The following KHDRBS2 variants were observed in gnomAD, a reference collection of about 807,000 sequenced individuals.
KHDRBS2 encodes the protein KH domain-containing, RNA-binding, signal transduction-associated protein 2.
Under a neutral mutation model 44.3 loss-of-function variants are expected in KHDRBS2, and 26 were observed. That is an observed-to-expected ratio of 0.59 (90% confidence interval 0.43 to 0.81). The LOEUF is 0.81. KHDRBS2 is among the 40% of genes least tolerant of loss of function. The pLI, the probability that KHDRBS2 is intolerant of heterozygous loss-of-function variation, is 0.00. For synonymous variants in KHDRBS2, 194 were observed against 151.1 expected, an observed-to-expected ratio of 1.28 and a Z score of -2.08; for missense variants, 476 against 433.1, an observed-to-expected ratio of 1.10 and a Z score of -0.88.
In KHDRBS2 at chr6:62,268,070, A is replaced by G. The variant is rs567647287; in HGVS notation, c.91+17788T>C. ...TATTAATCCTATGGGAACACATTTC[A>G]GTATTTTATAATTTTGTATTGCTTG... On this transcript the variant is annotated intron_variant, in intron 1 of 8. Transcript: ENST00000281156. Among the ~76,000 whole-genome samples the G allele has an allele frequency of 5.9e-5, 9 of 152,182 alleles. No individual in the cohort carries two copies. In the East Asian group the frequency reaches 1.7e-3, roughly 29 times the overall value.
intron 2 of KHDRBS2, among the ~76,000 whole-genome samples, chr6:62,103,895 A>G (rs938820007): frequency 6.6e-6 from 1 of 152,206 alleles, no homozygotes; most frequent in South Asian, 2.1e-4. Context: ...ATGTGAAATA[A>G]AGTCATTTTA....
At chr6:62,269,200 C>T (rs1286381979) in intron 1 of KHDRBS2, among the ~76,000 whole-genome samples, 1 of 151,954 alleles carries the variant, frequency 6.6e-6, no homozygotes, top group African/African-American at 2.4e-5. Context: ...GCAAAGATTT[C>T]TTAGAGAGGA....
chr6:61,837,294 A>G (rs551053907), intron 6 of KHDRBS2, among the ~76,000 whole-genome samples: 1 of 152,178 alleles, frequency 6.6e-6, no homozygotes, highest in East Asian at 1.9e-4. Context: ...CTACTGAAAT[A>G]ATCCTGAATA....
At chr6:61,573,063 G>T in the KHDRBS2 span, among the ~76,000 whole-genome samples, 384 of 152,154 alleles carry the variant, frequency 2.5e-3, 8 homozygotes, top group East Asian at 0.018. Flanking sequence ...TGTGTACCTA[G>T]AAAACCCTAA....
the KHDRBS2 span, among the ~76,000 whole-genome samples, chr6:61,639,955 AC>A: frequency 6.6e-6 from 1 of 152,106 alleles, no homozygotes; most frequent in Non-Finnish European, 1.5e-5. Context: ...AGACATAGTA[AC>A]CAAAAGTGAT....
chr6:61,913,760 T>A (rs189852795), intron 4 of KHDRBS2, among the ~76,000 whole-genome samples: 1 of 152,042 alleles, frequency 6.6e-6, no homozygotes, highest in South Asian at 2.1e-4. Context: ...AGAGGTAATA[T>A]ATGAACTGAG....
At chr6:62,167,861 T>C (rs528441780) in intron 2 of KHDRBS2, among the ~76,000 whole-genome samples, 8 of 152,200 alleles carry the variant, frequency 5.3e-5, no homozygotes, top group Non-Finnish European at 7.3e-5. Flanking sequence ...ATAGGAGTCG[T>C]AGTTTCCACA....
At chr6:62,260,593 T>A (rs888561563) in intron 1 of KHDRBS2, among the ~76,000 whole-genome samples, 1 of 151,816 alleles carries the variant, frequency 6.6e-6, no homozygotes, top group African/African-American at 2.4e-5. Flanking sequence ...TATTCAGAAT[T>A]TTTTTTAAAA....
At chr6:61,661,273 G>A in the KHDRBS2 span, 4 of 151,766 alleles carry the variant, frequency 2.6e-5, no homozygotes, top group Non-Finnish European at 5.9e-5. Flanking sequence ...AATAGATGAA[G>A]GGACTCACCT....
intron 2 of KHDRBS2, among the ~76,000 whole-genome samples, chr6:62,169,210 T>TATATACGTATACATATATGTGTATATAC (rs1454018151): frequency 6.9e-6 from 1 of 145,666 alleles, no homozygotes. Context: ...TGTATATATA[T>TATATACGTATACATATATGTGTATATAC]GTATATATAC....
chr6:61,733,482 C>CTG (rs1280631385), intron 6 of KHDRBS2, among the ~76,000 whole-genome samples: 1 of 151,920 alleles, frequency 6.6e-6, no homozygotes, highest in African/African-American at 2.4e-5. Context: ...GTAATCCCAG[C>CTG]TGCTCAAGAG....
chr6:62,271,961 T>C (rs1585546473), intron 1 of KHDRBS2, among the ~76,000 whole-genome samples: 1 of 152,296 alleles, frequency 6.6e-6, no homozygotes, highest in East Asian at 1.9e-4. Flanking sequence ...TGTACAGTAA[T>C]GTCCTCGACC....
chr6:61,851,435 A>T (rs1270567259), intron 6 of KHDRBS2, among the ~76,000 whole-genome samples: 1 of 152,118 alleles, frequency 6.6e-6, no homozygotes, highest in African/African-American at 2.4e-5. Context: ...GTACCTTACA[A>T]TGTGACTGTA....
In KHDRBS2 at chr6:62,235,688, T is replaced by C. The variant is rs184241799; in HGVS notation, c.91+50170A>G. Among the ~76,000 whole-genome samples the C allele has an allele frequency of 1.6e-3, 240 of 152,186 alleles. 1 individual carries two copies. The highest frequency in any genetic ancestry group is 2.7e-3 in the Non-Finnish European group (181 of 67,902). On this transcript the variant is annotated intron_variant, in intron 1 of 8. Transcript: ENST00000281156. ...AAAAGATGAAAATAGAAAAACATTCTGAGTCCATTTAAAATTTAATAAAAT... is the reference window on the plus strand; with the variant it reads ...AAAAGATGAAAATAGAAAAACATTCCGAGTCCATTTAAAATTTAATAAAAT...
chr6:62,141,459 AG>A (rs891247970), intron 2 of KHDRBS2, among the ~76,000 whole-genome samples: 3 of 152,144 alleles, frequency 2.0e-5, no homozygotes, highest in African/African-American at 7.2e-5. Context: ...TGACAGAGGA[AG>A]GAGATGCCCT....
At chr6:62,093,975 C>A (rs577271336) in intron 2 of KHDRBS2, among the ~76,000 whole-genome samples, 83 of 151,428 alleles carry the variant, frequency 5.5e-4, no homozygotes, top group African/African-American at 1.9e-3. Flanking sequence ...GTCAATAGTG[C>A]TGCAATAAAC....
intron 2 of KHDRBS2, among the ~76,000 whole-genome samples, chr6:62,172,359 G>A (rs757177299): frequency 2.0e-5 from 3 of 151,528 alleles, no homozygotes; most frequent in Non-Finnish European, 4.4e-5. Context: ...ATAATAGAAG[G>A]GTTCAATTCA....
intron 1 of KHDRBS2, among the ~76,000 whole-genome samples, chr6:62,178,487 T>C (rs193107736): frequency 7.6e-4 from 116 of 151,648 alleles, no homozygotes; most frequent in African/African-American, 2.4e-3. Context: ...CACATTGTAT[T>C]TTTATTTTTA....
chr6:61,960,179 GT>G (rs1228765025), intron 4 of KHDRBS2, among the ~76,000 whole-genome samples: 2 of 151,984 alleles, frequency 1.3e-5, no homozygotes, highest in African/African-American at 4.8e-5. Flanking sequence ...TGTATTTTCT[GT>G]TTGAGCTAAT....
Sources: gnomAD v4.1 joint callset for allele counts (sites outside exome capture counted in the v4.1 genomes callset) on GRCh38, gnomAD v4.1.1 for gene constraint, MANE v1.5 for transcripts, NCBI Gene and HGNC (gene_info 2026-07-23, HGNC 2026-07-21) for gene names.